The following MRPL13 variants were observed in gnomAD, a reference collection of about 807,000 sequenced individuals.
MRPL13 encodes the protein mitochondrial ribosomal protein L13, also known as large ribosomal subunit protein uL13m.
A neutral mutation model predicts 29.0 loss-of-function variants in MRPL13; 33 were observed. The ratio of observed to expected loss-of-function variants is 1.14; its 90% CI spans 0.86 to 1.52. MRPL13 has a LOEUF of 1.52. Ranked by LOEUF, MRPL13 falls within the 40% of genes most tolerant of loss-of-function variation. MRPL13 has a pLI of 0.00. For missense variants in MRPL13, 227 were observed against 216.7 expected, an observed-to-expected ratio of 1.05 and a Z score of -0.30; for synonymous variants, 77 against 68.4, an observed-to-expected ratio of 1.13 and a Z score of -0.62.
At chr8:120,418,964 A>G (rs931174788) in intron 5 of MRPL13, among the ~76,000 whole-genome samples, 11 of 152,072 alleles carry the variant, frequency 7.2e-5, no homozygotes, top group African/African-American at 2.7e-4. Flanking sequence ...GAGCACATAA[A>G]TAGCTTGAAA....
intron 3 of MRPL13, among the ~76,000 whole-genome samples, chr8:120,425,648 G>A (rs1296833264): frequency 6.6e-6 from 1 of 151,928 alleles, no homozygotes; most frequent in Non-Finnish European, 1.5e-5. Context: ...CTCATTATGG[G>A]GTATTTATTA....
At chr8:120,399,686 A>C (rs1812566711) in intron 6 of MRPL13, among the ~76,000 whole-genome samples, 1 of 152,184 alleles carries the variant, frequency 6.6e-6, no homozygotes, top group Admixed American at 6.5e-5. Flanking sequence ...CAATTAAAAG[A>C]CACAGAATGG....
At chr8:120,442,202 G>T (rs537596994) in intron 2 of MRPL13, among the ~76,000 whole-genome samples, 1 of 152,012 alleles carries the variant, frequency 6.6e-6, no homozygotes, top group East Asian at 1.9e-4. Context: ...TAAAAAGAAC[G>T]AACATATCAA....
chr8:120,433,286 T>C (rs1813016993), intron 2 of MRPL13, among the ~76,000 whole-genome samples: 1 of 152,070 alleles, frequency 6.6e-6, no homozygotes, highest in African/African-American at 2.4e-5. Flanking sequence ...GGTGGGAAGA[T>C]AACCAGACAA....
chr8:120,445,089 C>A lies in MRPL13; in HGVS notation c.6G>T (p.Ser2=). 2 of 1,613,924 alleles carry A rather than the reference C, an allele frequency of 1.2e-6. No individual in the cohort carries two copies. The highest frequency in any genetic ancestry group is 1.7e-6 in the Non-Finnish European group (2 of 1,179,928). The change falls in exon 1 of 7, where the codon TCG becomes TCT. Residue 2 remains serine (S), a synonymous_variant. Transcript: ENST00000306185. The stretch of plus-strand genomic sequence containing the variant: ...TCACCTGGGGCGCCCTAGAGAAACT[C>A]GACATATTCCTCTACTAGCAGGACC... M[S]SFSRAPQQWA...
At chr8:120,424,530 C>T (rs1049289236) in intron 4 of MRPL13, among the ~76,000 whole-genome samples, 1 of 151,806 alleles carries the variant, frequency 6.6e-6, no homozygotes, top group Admixed American at 6.6e-5. Flanking sequence ...CTTGGGAGGC[C>T]GAGGTGGGAG....
chr8:120,407,311 G>A (rs1236537460), intron 6 of MRPL13, among the ~76,000 whole-genome samples: 1 of 152,092 alleles, frequency 6.6e-6, no homozygotes, highest in African/African-American at 2.4e-5. Flanking sequence ...ACTTGGTTGT[G>A]AATGAAACAA....
At chr8:120,414,359 T>C in intron 5 of MRPL13, 1 of 242,448 alleles carries the variant, frequency 4.1e-6, no homozygotes, top group Non-Finnish European at 7.7e-6. Context: ...TCTTTTCAAT[T>C]GCAAAAAGAC....
intron 3 of MRPL13, among the ~76,000 whole-genome samples, chr8:120,426,193 T>C (rs1475622383): frequency 6.6e-6 from 1 of 152,120 alleles, no homozygotes; most frequent in African/African-American, 2.4e-5. Flanking sequence ...TCTATTTTCC[T>C]AAACAGATGA....
chr8:120,428,930 A>G (rs551274461), intron 3 of MRPL13, among the ~76,000 whole-genome samples: 4 of 152,346 alleles, frequency 2.6e-5, no homozygotes, highest in Non-Finnish European at 5.9e-5. Context: ...TGTGGAAGAC[A>G]GTGTGGCGAT....
intron 5 of MRPL13, among the ~76,000 whole-genome samples, chr8:120,417,452 A>G (rs1022540249): frequency 6.6e-6 from 1 of 152,204 alleles, no homozygotes. Flanking sequence ...TTTCTAGTTC[A>G]GTATTCCTTC....
chr8:120,417,307 C>A (rs572753266), intron 5 of MRPL13, among the ~76,000 whole-genome samples: 1 of 152,220 alleles, frequency 6.6e-6, no homozygotes, highest in South Asian at 2.1e-4. Flanking sequence ...TGGGAAGATT[C>A]CCATCACAAA....
At chr8:120,413,559 G>T (rs938820335) in intron 6 of MRPL13, among the ~76,000 whole-genome samples, 5 of 152,186 alleles carry the variant, frequency 3.3e-5, no homozygotes, top group Non-Finnish European at 5.9e-5. Flanking sequence ...ACTGTACAGA[G>T]GAGAGCAAAA....
intron 5 of MRPL13, among the ~76,000 whole-genome samples, chr8:120,416,551 C>A (rs1190503527): frequency 6.6e-6 from 1 of 151,888 alleles, no homozygotes; most frequent in African/African-American, 2.4e-5. Context: ...AGGTGGTTAA[C>A]CTAAGGGGAA....
chr8:120,441,704 A>G (rs1308867834), intron 2 of MRPL13, among the ~76,000 whole-genome samples: 1 of 152,242 alleles, frequency 6.6e-6, no homozygotes, highest in Non-Finnish European at 1.5e-5. Flanking sequence ...TGTAAGAAAC[A>G]TACTTGGGAA....
intron 4 of MRPL13, among the ~76,000 whole-genome samples, chr8:120,421,042 C>T (rs1812867190): frequency 6.6e-6 from 1 of 151,588 alleles, no homozygotes; most frequent in Non-Finnish European, 1.5e-5. Flanking sequence ...GTAATTCTAG[C>T]TGTACAGACA....
At position 120,432,124 on chromosome 8, in the gene MRPL13, C is replaced by A. The variant is rs376034901; in HGVS notation, c.152-1G>T. 49 of 1,553,944 alleles carry A rather than the reference C, an allele frequency of 3.2e-5. No homozygotes were observed. Among genetic ancestry groups the A allele is most frequent in the Non-Finnish European group, 4.1e-5 (47 of 1,156,214 alleles). On this transcript the variant is annotated splice_acceptor_variant, in intron 2 of 6. Transcript: ENST00000306185. LOFTEE classifies it high-confidence loss of function. ...ATAACAACATGATCCCCACAGTCAC[C>A]TACATTTTAAAAAGAAACAAGATTT...
chr8:120,424,387 C>CA (rs1312368959), intron 4 of MRPL13, among the ~76,000 whole-genome samples: 2 of 152,068 alleles, frequency 1.3e-5, no homozygotes, highest in East Asian at 3.9e-4. Context: ...TTTGGGAGGC[C>CA]AAAATAGGAA....
intron 2 of MRPL13, among the ~76,000 whole-genome samples, chr8:120,437,488 A>C (rs549310979): frequency 6.6e-6 from 1 of 152,350 alleles, no homozygotes; most frequent in Non-Finnish European, 1.5e-5. Context: ...TTAATTCATT[A>C]ATTCAGTTGG....
Sources: allele counts gnomAD v4.1 joint callset (sites outside exome capture counted in the v4.1 genomes callset), GRCh38; gene constraint gnomAD v4.1.1; transcripts MANE v1.5; gene names NCBI Gene and HGNC (gene_info 2026-07-23, HGNC 2026-07-21).